UGGT1: variants seen among roughly 807,000 people sequenced by gnomAD.
The protein encoded by UGGT1 is UDP-glucose:glycoprotein glucosyltransferase 1.
UGGT1 carries 107 observed loss-of-function variants against 203.9 expected under a neutral mutation model. The ratio of observed to expected loss-of-function variants is 0.52; its 90% CI spans 0.45 to 0.62. The LOEUF (loss-of-function observed/expected upper bound fraction) is 0.62. UGGT1 is among the 20% of genes least tolerant of loss of function. The pLI, the probability that UGGT1 is intolerant of heterozygous loss-of-function variation, is 0.00. For synonymous variants in UGGT1, 628 were observed against 653.5 expected, an observed-to-expected ratio of 0.96 and a Z score of 0.59; for missense variants, 1,673 against 1,867.2, an observed-to-expected ratio of 0.90 and a Z score of 1.92.
intron 15 of UGGT1, among the ~76,000 whole-genome samples, chr2:128,135,762 C>CA (rs1179753291): frequency 2.6e-5 from 4 of 151,614 alleles, no homozygotes; most frequent in South Asian, 2.1e-4. Context: ...TTCAGGGAAA[C>CA]AAAAAAAATC....
chr2:128,139,234 G>T (rs369418822), intron 16 of UGGT1, among the ~76,000 whole-genome samples: 2 of 152,178 alleles, frequency 1.3e-5, no homozygotes, highest in Admixed American at 1.3e-4. Context: ...CTTCCACAAC[G>T]GCTACCTTAA....
intron 16 of UGGT1, among the ~76,000 whole-genome samples, chr2:128,142,170 A>G (rs1689462275): frequency 1.3e-5 from 2 of 151,760 alleles, no homozygotes; most frequent in African/African-American, 4.8e-5. Flanking sequence ...TCCTGACCTC[A>G]AGTGATCCAC....
At position 128,129,191 on chromosome 2, in the gene UGGT1, G is replaced by T. The variant is rs376784139; in HGVS notation, c.1377+12G>T. ...GTCCTGCTATTTCAGTGAGTATTTT[G>T]TTAGGGTGATCAAAGGACTTTCTGA... On this transcript the variant is annotated intron_variant, in intron 13 of 40. Transcript: ENST00000259253. 13 of 1,601,422 alleles carry T rather than the reference G, an allele frequency of 8.1e-6. No individual in the cohort carries two copies. In the African/African-American group the frequency reaches 1.4e-4, roughly 17 times the overall value.
In UGGT1 at chr2:128,097,461, C is replaced by A; in HGVS notation, c.91C>A (p.Leu31Ile). 6.2e-7 allele frequency: 1 copy of A among 1,614,016 alleles called. No homozygotes were observed. The highest frequency in any genetic ancestry group is 8.5e-7 in the Non-Finnish European group (1 of 1,179,974). The change falls in exon 2 of 41, where the codon CTC becomes ATC. Residue 31 changes from leucine to isoleucine, a missense_variant. Leu to Ile is a conservative substitution (Grantham distance 5). Transcript: ENST00000259253. ...VCYKMGVLVV[L>I]TVLWLFSSVK... ...CTATAAAATGGGAGTTCTGGTTGTA[C>A]TCACTGTTCTGTGGCTGTTCTCCTC...
At chr2:128,103,854 T>TA (rs1240285438) in intron 2 of UGGT1, 78 bp from the exon 3 acceptor site, 2 of 1,063,066 alleles carry the variant, frequency 1.9e-6, no homozygotes, top group Non-Finnish European at 2.7e-6. Context: ...CTTCAAAACT[T>TA]ATTTTTACTC....
chr2:128,123,270 A>T, intron 11 of UGGT1, 24 bp downstream of exon 11: 2 of 1,601,114 alleles, frequency 1.2e-6, no homozygotes, highest in Non-Finnish European at 1.7e-6. Context: ...GAAAATACTG[A>T]CCTGTTTTGT....
intron 18 of UGGT1, among the ~76,000 whole-genome samples, chr2:128,146,285 T>C (rs1297106970): frequency 1.3e-5 from 2 of 152,090 alleles, no homozygotes; most frequent in Non-Finnish European, 2.9e-5. Context: ...TACCCCAGCC[T>C]GGGTGATGGA....
At chr2:128,115,585 TA>T (rs1688065754) in intron 7 of UGGT1, among the ~76,000 whole-genome samples, 1 of 152,030 alleles carries the variant, frequency 6.6e-6, no homozygotes, top group South Asian at 2.1e-4. Flanking sequence ...TTGTTGATGT[TA>T]TAGGGGATTT....
At chr2:128,156,052 C>T (rs1690211155) in intron 20 of UGGT1, among the ~76,000 whole-genome samples, 1 of 152,140 alleles carries the variant, frequency 6.6e-6, no homozygotes, top group African/African-American at 2.4e-5. Context: ...CCTGTAGTGG[C>T]GGACAGATTC....
In UGGT1 at chr2:128,182,239, G is replaced by A; in HGVS notation, c.4193G>A (p.Trp1398Ter). Reference protein sequence around the residue: ...SRREMDGYRFWKSGYWASHLA... With the variant: ...SRREMDGYRF ...AGAGAAATGGACGGCTACAGGTTCT[G>A]GAAGTCAGGGTACTGGGCCAGTCAT... Residue 1398 changes from tryptophan (W) to a stop codon, truncating the protein, a stop_gained, in exon 37 of 41, where the codon TGG becomes TAG. Coordinates refer to ENST00000259253, the MANE Select transcript of UGGT1 (RefSeq NM_020120.4). LOFTEE classifies it high-confidence loss of function. The A allele has an allele frequency of 6.2e-7, 1 of 1,614,170 alleles. No homozygotes were observed.
intron 12 of UGGT1, among the ~76,000 whole-genome samples, chr2:128,128,450 T>G (rs1013820231): frequency 6.6e-6 from 1 of 152,044 alleles, no homozygotes; most frequent in Non-Finnish European, 1.5e-5. Context: ...TAGCTGGGAT[T>G]ACAGGCACCT....
At chr2:128,189,472 T>C (rs1692151581) in intron 40 of UGGT1, among the ~76,000 whole-genome samples, 1 of 152,256 alleles carries the variant, frequency 6.6e-6, no homozygotes, top group Non-Finnish European at 1.5e-5. Flanking sequence ...AAGTAAATAT[T>C]GTATTTGTGA....
chr2:128,167,838 A>G (rs995754460), intron 26 of UGGT1, among the ~76,000 whole-genome samples: 1 of 152,030 alleles, frequency 6.6e-6, no homozygotes, highest in African/African-American at 2.4e-5. Flanking sequence ...GGGTAAGTAA[A>G]GGACCTCACA....
intron 16 of UGGT1, 50 bp downstream of exon 16, chr2:128,138,902 C>G (rs375700034): frequency 1.7e-5 from 27 of 1,607,288 alleles, no homozygotes; most frequent in Non-Finnish European, 2.1e-5. Flanking sequence ...CTAACTTACT[C>G]TTAATAACAA....
chr2:128,141,111 G>C (rs150415999), intron 16 of UGGT1, among the ~76,000 whole-genome samples: 1 of 152,042 alleles, frequency 6.6e-6, no homozygotes, highest in Non-Finnish European at 1.5e-5. Context: ...ATCACCTGAG[G>C]TCAGGAGTTT....
At chr2:128,131,768 C>T (rs938961110) in intron 13 of UGGT1, among the ~76,000 whole-genome samples, 2 of 152,128 alleles carry the variant, frequency 1.3e-5, no homozygotes, top group African/African-American at 2.4e-5. Flanking sequence ...GCTGGGACTA[C>T]AGGCGCACAC....
intron 1 of UGGT1, among the ~76,000 whole-genome samples, chr2:128,092,980 G>A (rs1466091253): frequency 6.6e-6 from 1 of 152,146 alleles, no homozygotes; most frequent in Non-Finnish European, 1.5e-5. Flanking sequence ...AACCCCTAGG[G>A]TCAGAATGAT....
chr2:128,097,141 C>T (rs2105331642), intron 1 of UGGT1, among the ~76,000 whole-genome samples: 1 of 152,308 alleles, frequency 6.6e-6, no homozygotes, highest in East Asian at 1.9e-4. Context: ...CTTTGGGAGG[C>T]TGAGGCGGGC....
intron 26 of UGGT1, among the ~76,000 whole-genome samples, chr2:128,166,835 C>T (rs927635650): frequency 8.5e-5 from 13 of 152,158 alleles, no homozygotes; most frequent in Admixed American, 8.5e-4. Context: ...AATATAGATG[C>T]CTGTGTCCTA....
Sources: gnomAD v4.1 joint callset for allele counts (sites outside exome capture counted in the v4.1 genomes callset) on GRCh38, gnomAD v4.1.1 for gene constraint, MANE v1.5 for transcripts, NCBI Gene and HGNC (gene_info 2026-07-23, HGNC 2026-07-21) for gene names.